OSBPL8: variants seen among roughly 807,000 people sequenced by gnomAD.
The protein encoded by OSBPL8 is oxysterol binding protein like 8.
A neutral mutation model predicts 125.5 loss-of-function variants in OSBPL8; 59 were observed. The observed-to-expected ratio is 0.47, with a 90% confidence interval of 0.38 to 0.58. The LOEUF (loss-of-function observed/expected upper bound fraction) is 0.58, where lower values mean the gene tolerates loss of function less well. OSBPL8 is among the 20% of genes least tolerant of loss of function. The pLI is 0.00. For missense variants in OSBPL8, 758 were observed against 1,047.8 expected (o/e 0.72, Z 3.82); for synonymous variants, 330 against 338.9 (o/e 0.97, Z 0.29).
At chr12:76,467,637 T>C (rs963717552) in intron 2 of OSBPL8, among the ~76,000 whole-genome samples, 12 of 152,136 alleles carry the variant, frequency 7.9e-5, no homozygotes, top group African/African-American at 2.9e-4. Context: ...TTTTTGCCTC[T>C]ATGGTGCCTA....
At chr12:76,495,323 CAATAT>C (rs1350505577) in intron 1 of OSBPL8, among the ~76,000 whole-genome samples, 2 of 152,090 alleles carry the variant, frequency 1.3e-5, no homozygotes, top group Non-Finnish European at 2.9e-5. Flanking sequence ...GGTCAGTAAA[CAATAT>C]AATAGCGCAG....
intron 4 of OSBPL8, among the ~76,000 whole-genome samples, chr12:76,444,018 A>G (rs1872499927): frequency 6.6e-6 from 1 of 152,110 alleles, no homozygotes; most frequent in Non-Finnish European, 1.5e-5. Flanking sequence ...CATATAACAA[A>G]CAAAAATGTA....
chr12:76,510,160 A>C (rs1592818576), intron 1 of OSBPL8, among the ~76,000 whole-genome samples: 2 of 152,362 alleles, frequency 1.3e-5, no homozygotes, highest in Middle Eastern at 6.8e-3. Context: ...AAGGGTGTCC[A>C]AATACTTTTC....
Position 76,500,104 on chromosome 12 carries a change from G to T in OSBPL8, c.-67-12486C>A, listed in dbSNP as rs112302900. ...TCTAATGCACAGAAGTGATCATGTC[G>T]ACTTAATATCAAAAACTTCAGCTGT... is the stretch of plus-strand genomic sequence containing the variant. On this transcript the variant is annotated intron_variant, in intron 1 of 23. Coordinates refer to ENST00000261183, the MANE Select transcript of OSBPL8 (RefSeq NM_020841.5). Among the ~76,000 whole-genome samples, 510 of 152,214 alleles carry T rather than the reference G, an allele frequency of 3.4e-3. 3 individuals are homozygous for T. Among genetic ancestry groups the T allele is most frequent in the African/African-American group, 0.012 (492 of 41,532 alleles).
chr12:76,524,443 T>A (rs1437823582), intron 1 of OSBPL8, among the ~76,000 whole-genome samples: 1 of 152,152 alleles, frequency 6.6e-6, no homozygotes, highest in Admixed American at 6.5e-5. Flanking sequence ...TTAAATTTTT[T>A]TTTAAATGGC....
chr12:76,354,527 T>C lies in OSBPL8; in HGVS notation c.*1362A>G, dbSNP rs529373488. 2 of 152,086 alleles carry C rather than the reference T, an allele frequency of 1.3e-5. No individual in the cohort carries two copies. Among genetic ancestry groups the C allele is most frequent in the South Asian group, 2.1e-4 (1 of 4,824 alleles). 9.4% of individuals were successfully genotyped at this position (152,086 alleles called of 1,614,324 possible). A position where few individuals can be genotyped will look rare whatever the true frequency, so the allele number is the denominator to read the frequency against. On this transcript the variant is annotated 3_prime_UTR_variant, in exon 24 of 24. Coordinates refer to ENST00000261183, the MANE Select transcript of OSBPL8 (RefSeq NM_020841.5). ...TCAGGGCAATTATTCTCTCTGACCT[T>C]CATTTTCATTAAAAAAACATTTCAA...
intron 1 of OSBPL8, among the ~76,000 whole-genome samples, chr12:76,509,360 C>A (rs1394606323): frequency 2.0e-5 from 3 of 152,178 alleles, no homozygotes; most frequent in Non-Finnish European, 4.4e-5. Flanking sequence ...TTAAGTGACC[C>A]ATCACTGTAT....
At chr12:76,409,005 A>T (rs1020435795) in intron 5 of OSBPL8, among the ~76,000 whole-genome samples, 1 of 152,098 alleles carries the variant, frequency 6.6e-6, no homozygotes, top group Non-Finnish European at 1.5e-5. Context: ...TTTTTAAAAA[A>T]AAAACTATAA....
At chr12:76,386,049 C>T (rs1953295288) in intron 14 of OSBPL8, 119 bp downstream of exon 14, 1 of 1,404,100 alleles carries the variant, frequency 7.1e-7, no homozygotes, top group Non-Finnish European at 9.5e-7. Flanking sequence ...TAAATGTTTA[C>T]CAAATGTTCA....
At chr12:76,517,385 T>C (rs1881651592) in intron 1 of OSBPL8, among the ~76,000 whole-genome samples, 1 of 152,180 alleles carries the variant, frequency 6.6e-6, no homozygotes, top group Non-Finnish European at 1.5e-5. Context: ...AAAGATAAAC[T>C]AATAGTGTTT....
chr12:76,538,380 C>T (rs1349407785), intron 1 of OSBPL8, among the ~76,000 whole-genome samples: 2 of 152,004 alleles, frequency 1.3e-5, no homozygotes, highest in Non-Finnish European at 2.9e-5. Context: ...AATTGGAAAA[C>T]AATTCTTAAT....
At chr12:76,390,239 G>T in intron 11 of OSBPL8, 181 bp downstream of exon 11, 2 of 508,534 alleles carry the variant, frequency 3.9e-6, no homozygotes, top group Non-Finnish European at 6.9e-6. Context: ...TGGTATTTAT[G>T]TGAGTATATG....
chr12:76,396,249 G>A (rs945800917), intron 8 of OSBPL8, among the ~76,000 whole-genome samples: 3 of 151,926 alleles, frequency 2.0e-5, no homozygotes, highest in East Asian at 1.9e-4. Context: ...TGTGACTCCC[G>A]ACTACTGAAA....
intron 4 of OSBPL8, among the ~76,000 whole-genome samples, chr12:76,448,597 C>T (rs954627802): frequency 7.9e-5 from 12 of 152,260 alleles, no homozygotes; most frequent in South Asian, 6.2e-4. Context: ...AAAATACAAT[C>T]GACAACTAAG....
chr12:76,531,567 G>C (rs1282025482), intron 1 of OSBPL8, among the ~76,000 whole-genome samples: 1 of 152,186 alleles, frequency 6.6e-6, no homozygotes, highest in African/African-American at 2.4e-5. Flanking sequence ...TATGTGAAGA[G>C]TACTGTGTAT....
At chr12:76,461,065 C>A (rs1874660420) in intron 2 of OSBPL8, among the ~76,000 whole-genome samples, 2 of 152,190 alleles carry the variant, frequency 1.3e-5, no homozygotes, top group South Asian at 4.1e-4. Context: ...CATTTAATCT[C>A]ATTCTTCTGG....
Position 76,500,212 on chromosome 12 carries a change from T to C in OSBPL8, c.-67-12594A>G, listed in dbSNP as rs919239526. On this transcript the variant is annotated intron_variant, in intron 1 of 23. Coordinates refer to ENST00000261183, the MANE Select transcript of OSBPL8 (RefSeq NM_020841.5). ...TGCTTATACTTGCCTTTCTCAGTTA[T>C]TGCTTGCTTTCTCTGACCCTTTGTG... Among the ~76,000 whole-genome samples, 10 of 152,342 alleles carry C rather than the reference T, an allele frequency of 6.6e-5. No individual in the cohort carries two copies. In the East Asian group the frequency reaches 1.3e-3, roughly 21 times the overall value.
Position 76,369,689 on chromosome 12 carries a change from T to C in OSBPL8, c.2188A>G (p.Lys730Glu). 1 of 1,613,708 alleles carries C rather than the reference T, an allele frequency of 6.2e-7. No homozygotes were observed. The highest frequency in any genetic ancestry group is 8.5e-7 in the Non-Finnish European group (1 of 1,179,736). ...GTGAGTGGATCAAGTTCAAATAATT[T>C]GCAAGACCACTCTTCATTTTTTGTT... is the stretch of plus-strand genomic sequence containing the variant. ...RKTKNEEWSCKLFELDPLTGE... is the reference protein window; with the variant it reads ...RKTKNEEWSCELFELDPLTGE... The change falls in exon 20 of 24, where the codon AAA becomes GAA. Residue 730 changes from lysine (K) to glutamate (E), a missense_variant. By Grantham distance (56) the Lys-to-Glu change is moderately conservative. Transcript: ENST00000261183.
intron 1 of OSBPL8, among the ~76,000 whole-genome samples, chr12:76,499,269 G>T (rs563233034): frequency 6.6e-6 from 1 of 151,496 alleles, no homozygotes; most frequent in African/African-American, 2.4e-5. Flanking sequence ...GCCTGTTGTG[G>T]GACCTTGTGA....
Sources: allele counts gnomAD v4.1 joint callset (sites outside exome capture counted in the v4.1 genomes callset), GRCh38; gene constraint gnomAD v4.1.1; transcripts MANE v1.5; gene names NCBI Gene and HGNC (gene_info 2026-07-23, HGNC 2026-07-21).